Variants in ATP2B1 observed in about 807,000 individuals in gnomAD.
ATP2B1 encodes ATPase plasma membrane Ca2+ transporting 1, also known as plasma membrane calcium-transporting ATPase 1.
ATP2B1 carries 14 observed loss-of-function variants against 124.2 expected under a neutral mutation model. The observed-to-expected ratio is 0.11, with a 90% CI of 0.07 to 0.18. ATP2B1 has a LOEUF of 0.18. ATP2B1 is among the 10% of genes least tolerant of loss of function. ATP2B1 has a pLI of 1.00. For synonymous variants in ATP2B1, 449 were observed against 492.4 expected (o/e 0.91, Z 1.17); for missense variants, 763 against 1,466.1 (o/e 0.52, Z 7.83).
rs77374813 is a variant in ATP2B1 at position 89,624,683 on chromosome 12, C to T, written c.1130-286G>A. 6.9e-3 allele frequency among the ~76,000 whole-genome samples: 1,046 copies of T among 152,158 alleles called. 15 individuals carry two copies. The highest frequency in any genetic ancestry group is 0.024 in the African/African-American group (982 of 41,512). On this transcript the variant is annotated intron_variant, in intron 8 of 20. Coordinates refer to ENST00000428670, the MANE Select transcript of ATP2B1 (RefSeq NM_001366521.1). ...GTACTGAAACTAAGACAAAATAATA[C>T]GCAATGATAAGGAAGTATCCAAAGC...
At position 89,616,795 on chromosome 12, in the gene ATP2B1, TCAC is replaced by T; in HGVS notation, c.2067+4_2067+6del. On this transcript the variant is annotated splice_donor_5th_base_variant and intron_variant, in intron 12 of 20. Coordinates refer to ENST00000428670, the MANE Select transcript of ATP2B1 (RefSeq NM_001366521.1). ...CTGCACATGCAGAACACAGAATGTT[TCAC>T]CACCTCAGGTCTCACAGGATCTTCA... The T allele has an allele frequency of 2.5e-6, 4 of 1,609,364 alleles. No homozygotes were observed. The South Asian group carries it at 4.4e-5, about 18-fold the overall frequency.
At chr12:89,679,253 T>C (rs1889052763) in intron 1 of ATP2B1, among the ~76,000 whole-genome samples, 1 of 152,120 alleles carries the variant, frequency 6.6e-6, no homozygotes, top group South Asian at 2.1e-4. Context: ...GGCTTAAAAA[T>C]GAAGAATACA....
At chr12:89,599,434 A>G (rs1875356180) in intron 19 of ATP2B1, 135 bp from the exon 20 acceptor site, 1 of 932,076 alleles carries the variant, frequency 1.1e-6, no homozygotes, top group African/African-American at 1.7e-5. Context: ...GATCCTGTTG[A>G]TTAGTCTTTC....
At chr12:89,613,172 G>A (rs1474248052) in intron 12 of ATP2B1, among the ~76,000 whole-genome samples, 2 of 151,980 alleles carry the variant, frequency 1.3e-5, no homozygotes, top group East Asian at 1.9e-4. Context: ...GTAGAGATGG[G>A]GTTTCACCAT....
chr12:89,628,962 A>C (rs1013739683), intron 6 of ATP2B1, among the ~76,000 whole-genome samples: 3 of 152,192 alleles, frequency 2.0e-5, no homozygotes, highest in African/African-American at 7.2e-5. Flanking sequence ...GGAGGCCCAC[A>C]GAAGAAAAAA....
intron 1 of ATP2B1, among the ~76,000 whole-genome samples, chr12:89,682,324 CT>C (rs1357466941): frequency 6.6e-6 from 1 of 152,092 alleles, no homozygotes; most frequent in Non-Finnish European, 1.5e-5. Flanking sequence ...AAACAACAAG[CT>C]TTTTTCCTGA....
In ATP2B1 at chr12:89,650,499, A is replaced by G. The variant is rs1194459552; in HGVS notation, c.208+5180T>C. 2.0e-5 allele frequency among the ~76,000 whole-genome samples: 3 copies of G among 152,130 alleles called. No homozygotes were observed. The East Asian group carries it at 5.8e-4, about 29-fold the overall frequency. ...GGGAGACTGACAAGCAACCAGTTAA[A>G]CACTGTGGGTTTTGTGTGTTTTGGG... On this transcript the variant is annotated intron_variant, in intron 2 of 20. Transcript: ENST00000428670.
intron 1 of ATP2B1, among the ~76,000 whole-genome samples, chr12:89,676,455 A>G (rs532797618): frequency 6.6e-6 from 1 of 152,220 alleles, no homozygotes; most frequent in South Asian, 2.1e-4. Flanking sequence ...CTACACATAT[A>G]TATAATATGT....
chr12:89,650,387 A>G (rs989859842), intron 2 of ATP2B1, among the ~76,000 whole-genome samples: 2 of 152,122 alleles, frequency 1.3e-5, no homozygotes, highest in Non-Finnish European at 2.9e-5. Flanking sequence ...AATGCCTACT[A>G]CGTCACTGTG....
intron 1 of ATP2B1, among the ~76,000 whole-genome samples, chr12:89,670,952 T>A (rs377234455): frequency 3.8e-4 from 48 of 126,884 alleles, no homozygotes; most frequent in South Asian, 5.2e-4. Context: ...CCTTATACAT[T>A]AAAAAAAAAA....
At chr12:89,658,719 TC>T (rs1886318060) in intron 1 of ATP2B1, among the ~76,000 whole-genome samples, 1 of 151,612 alleles carries the variant, frequency 6.6e-6, no homozygotes. Flanking sequence ...CTAAAGTTTG[TC>T]CCATCACTGA....
intron 1 of ATP2B1, among the ~76,000 whole-genome samples, chr12:89,693,905 G>C (rs1230707470): frequency 6.6e-6 from 1 of 152,084 alleles, no homozygotes; most frequent in Admixed American, 6.6e-5. Context: ...ATAAATAATA[G>C]CCTTAGGCTG....
intron 11 of ATP2B1, among the ~76,000 whole-genome samples, chr12:89,619,076 T>C (rs1879496599): frequency 1.3e-5 from 2 of 152,174 alleles, no homozygotes; most frequent in South Asian, 4.1e-4. Flanking sequence ...AGGGAAATTA[T>C]ATGTGAACAT....
At chr12:89,703,732 T>C (rs1044318798) in intron 1 of ATP2B1, among the ~76,000 whole-genome samples, 6 of 152,130 alleles carry the variant, frequency 3.9e-5, no homozygotes, top group Admixed American at 2.0e-4. Context: ...TGGGCATACA[T>C]AGATAACAGA....
At chr12:89,696,111 T>C (rs757882597) in intron 1 of ATP2B1, among the ~76,000 whole-genome samples, 1 of 152,184 alleles carries the variant, frequency 6.6e-6, no homozygotes, top group Non-Finnish European at 1.5e-5. Flanking sequence ...AAACTGAACA[T>C]GTCACGGAAG....
chr12:89,693,873 T>C lies in ATP2B1; in HGVS notation c.-222+14723A>G, dbSNP rs549157839. Among the ~76,000 whole-genome samples, 9 of 152,304 alleles carry C rather than the reference T, an allele frequency of 5.9e-5. No homozygotes were observed. The East Asian group carries it at 9.6e-4, about 16-fold the overall frequency. ...CCAATTTCCTGGTTCTCTACTTTGT[T>C]TTACATGGTTCAGGAAACTGGATAA... On this transcript the variant is annotated intron_variant, in intron 1 of 20. Transcript: ENST00000428670.
At chr12:89,660,563 A>T (rs118026444) in intron 1 of ATP2B1, among the ~76,000 whole-genome samples, 1 of 152,346 alleles carries the variant, frequency 6.6e-6, no homozygotes, top group East Asian at 1.9e-4. Context: ...CCAGGAACGT[A>T]ATATCTAACA....
At chr12:89,615,995 AG>A (rs1878891572) in intron 12 of ATP2B1, among the ~76,000 whole-genome samples, 1 of 152,192 alleles carries the variant, frequency 6.6e-6, no homozygotes, top group African/African-American at 2.4e-5. Flanking sequence ...GCACACAGTG[AG>A]AACTCAATAA....
Position 89,640,536 on chromosome 12 carries a change from C to T in ATP2B1, c.406+1622G>A, listed in dbSNP as rs569205552. Among the ~76,000 whole-genome samples the T allele has an allele frequency of 2.5e-3, 383 of 152,278 alleles. 1 individual carries two copies. The highest frequency in any genetic ancestry group is 8.8e-3 in the African/African-American group (365 of 41,548). The stretch of plus-strand genomic sequence containing the variant: ...TCAGAAAAACTGATTTATGCTGTGT[C>T]CAAATTTCTTTAAAGAGAAAGAATA... On this transcript the variant is annotated intron_variant, in intron 3 of 20. Coordinates refer to ENST00000428670, the MANE Select transcript of ATP2B1 (RefSeq NM_001366521.1).
Sources: allele counts gnomAD v4.1 joint callset (sites outside exome capture counted in the v4.1 genomes callset), GRCh38; gene constraint gnomAD v4.1.1; transcripts MANE v1.5; gene names NCBI Gene and HGNC (gene_info 2026-07-23, HGNC 2026-07-21).